FAM107A: variants seen among roughly 807,000 people sequenced by gnomAD.
The protein encoded by FAM107A is actin-associated protein FAM107A.
Under a neutral mutation model 13.7 loss-of-function variants are expected in FAM107A, and 19 were observed. The ratio of observed to expected loss-of-function variants is 1.38; its 90% confidence interval spans 0.97 to 2.03. The LOEUF is 2.03. Among genes scored for constraint, FAM107A ranks in the 30% most tolerant of loss-of-function variants. The probability of loss-of-function intolerance (pLI) is 0.00; values close to 1 mark genes in which losing one functional copy is unlikely to be tolerated. For missense variants in FAM107A, 203 were observed against 184.4 expected (o/e 1.10, Z -0.58); for synonymous variants, 82 against 74.5 (o/e 1.10, Z -0.52).
chr3:58,598,026 T>C (rs779988996), intron 1 of FAM107A, among the ~76,000 whole-genome samples: 1 of 152,170 alleles, frequency 6.6e-6, no homozygotes, highest in Non-Finnish European at 1.5e-5. Flanking sequence ...TGGCTTATTC[T>C]TAAAGGTTGA....
At chr3:58,579,809 G>A (rs910148946), upstream of FAM107A, among the ~76,000 whole-genome samples, 1 of 152,166 alleles carries the variant, frequency 6.6e-6, no homozygotes, top group Non-Finnish European at 1.5e-5. Context: ...GTAGTCCTCG[G>A]ATGTTGGGCG....
At chr3:58,568,862 C>T (rs2063651547) in intron 2 of FAM107A, among the ~76,000 whole-genome samples, 1 of 152,206 alleles carries the variant, frequency 6.6e-6, no homozygotes, top group Non-Finnish European at 1.5e-5. Context: ...CTCCAATTCA[C>T]ATCCCATCAA....
At chr3:58,578,451 C>G (rs1485266944), upstream of FAM107A, among the ~76,000 whole-genome samples, 2 of 151,464 alleles carry the variant, frequency 1.3e-5, no homozygotes, top group African/African-American at 2.4e-5. Flanking sequence ...ACCTGTAATC[C>G]CAGCTACCTG....
At chr3:58,609,533 A>C (rs762833435) in intron 1 of FAM107A, among the ~76,000 whole-genome samples, 69 of 152,232 alleles carry the variant, frequency 4.5e-4, no homozygotes, top group Non-Finnish European at 4.8e-4. Context: ...CTATGCTCTA[A>C]AAATGGAACC....
chr3:58,611,183 T>C (rs1237328704), intron 1 of FAM107A, among the ~76,000 whole-genome samples: 5 of 152,236 alleles, frequency 3.3e-5, no homozygotes, highest in Non-Finnish European at 5.9e-5. Flanking sequence ...CAATTAAACC[T>C]CTTTTCTTTA....
At chr3:58,593,691 C>T (rs2065674056) in intron 1 of FAM107A, among the ~76,000 whole-genome samples, 1 of 152,042 alleles carries the variant, frequency 6.6e-6, no homozygotes, top group South Asian at 2.1e-4. Context: ...ACTCCCTCCT[C>T]ACCATTTCTA....
rs1032210832 is a variant in FAM107A at position 58,598,368 on chromosome 3, A to G, written c.-69-9099T>C. On this transcript the variant is annotated intron_variant, in intron 1 of 3. Transcript: ENST00000465970. ...TGCAGTAATGAGGGCACTGTTTTCT[A>G]TCAAAGGAGGCCTCTACAGTTCTGG... 4.6e-5 allele frequency among the ~76,000 whole-genome samples: 7 copies of G among 152,240 alleles called. No individual in the cohort carries two copies. The East Asian group carries it at 1.4e-3, about 29-fold the overall frequency.
chr3:58,599,696 A>ATCTTTTTTT (rs2065736389), intron 1 of FAM107A, among the ~76,000 whole-genome samples: 1 of 78,570 alleles, frequency 1.3e-5, no homozygotes, highest in Non-Finnish European at 2.7e-5. Flanking sequence ...CAAGTGCACC[A>ATCTTTTTTT]TTTTTTTTTT....
chr3:58,620,914 G>T (rs997809858), intron 1 of FAM107A, among the ~76,000 whole-genome samples: 1 of 152,142 alleles, frequency 6.6e-6, no homozygotes, highest in African/African-American at 2.4e-5. Flanking sequence ...GTCTTCAAAT[G>T]CCCTTTTTGG....
chr3:58,593,768 G>A (rs543576617), intron 1 of FAM107A, among the ~76,000 whole-genome samples: 9 of 152,054 alleles, frequency 5.9e-5, no homozygotes, highest in African/African-American at 1.2e-4. Flanking sequence ...ACAGCCGTCC[G>A]CGCCCTACAG....
rs945209997 is a variant in FAM107A, at chr3:58,598,893, T to A, written c.-69-9624A>T. ...GTGTGATGCCCCATGGTTTTTTTTT[T>A]AAACCATTACGCTTTAGTTGGACAT... is the stretch of plus-strand genomic sequence containing the variant. On this transcript the variant is annotated intron_variant, in intron 1 of 3. Transcript: ENST00000465970. Among the ~76,000 whole-genome samples the A allele has an allele frequency of 7.0e-4, 106 of 152,164 alleles. 2 individuals are homozygous for A. The highest frequency in any genetic ancestry group is 2.1e-4 in the Non-Finnish European group (14 of 68,018).
chr3:58,625,832 C>G (rs988864676), intron 1 of FAM107A, among the ~76,000 whole-genome samples: 9 of 152,340 alleles, frequency 5.9e-5, no homozygotes, highest in Non-Finnish European at 1.2e-4. Context: ...CTCTTTCCCC[C>G]ACTAGCTGCA....
intron 1 of FAM107A, among the ~76,000 whole-genome samples, chr3:58,600,775 CA>C (rs1410283998): frequency 7.2e-5 from 11 of 152,214 alleles, no homozygotes; most frequent in Admixed American, 2.0e-4. Context: ...GGAGACAGAT[CA>C]GGGGGAGAAA....
rs2063633551 is a variant in FAM107A at position 58,567,374 on chromosome 3, G to A, written c.171-10C>T. The stretch of plus-strand genomic sequence containing the variant: ...GTCCACACCAAGGCCCCTGGGGTGG[G>A]AAGTGGGGAGCTGTCAGGAGACCAT... On this transcript the variant is annotated splice_polypyrimidine_tract_variant and intron_variant, in intron 2 of 3. Transcript: ENST00000360997. 4 of 1,606,554 alleles carry A rather than the reference G, an allele frequency of 2.5e-6. No homozygotes were observed. The highest frequency in any genetic ancestry group is 1.1e-5 in the South Asian group (1 of 90,076).
At chr3:58,619,023 C>T (rs531347834) in intron 1 of FAM107A, among the ~76,000 whole-genome samples, 32 of 152,152 alleles carry the variant, frequency 2.1e-4, no homozygotes, top group African/African-American at 6.3e-4. Flanking sequence ...TTCCTTGAGA[C>T]AAGATCTTAT....
At chr3:58,612,317 C>G (rs2065862165) in intron 1 of FAM107A, among the ~76,000 whole-genome samples, 1 of 152,152 alleles carries the variant, frequency 6.6e-6, no homozygotes, top group South Asian at 2.1e-4. Context: ...CAGTGGCTCA[C>G]ACTTCTAATC....
chr3:58,599,050 T>C (rs1473637077), intron 1 of FAM107A, among the ~76,000 whole-genome samples: 2 of 152,284 alleles, frequency 1.3e-5, no homozygotes, highest in Admixed American at 1.3e-4. Flanking sequence ...CAAGCAATTC[T>C]CCTGCCTCAG....
chr3:58,598,801 G>A (rs1208977687), intron 1 of FAM107A, among the ~76,000 whole-genome samples: 1 of 151,982 alleles, frequency 6.6e-6, no homozygotes, highest in Non-Finnish European at 1.5e-5. Flanking sequence ...GTATGTCTTG[G>A]AGATATTTCT....
upstream of FAM107A, chr3:58,589,123 T>C: frequency 2.3e-6 from 2 of 873,804 alleles, no homozygotes; most frequent in Non-Finnish European, 3.6e-6. Flanking sequence ...TCAGGGAAAT[T>C]GTGGCCATGG....
Sources: allele counts gnomAD v4.1 joint callset (sites outside exome capture counted in the v4.1 genomes callset), GRCh38; gene constraint gnomAD v4.1.1; transcripts MANE v1.5; gene names NCBI Gene and HGNC (gene_info 2026-07-23, HGNC 2026-07-21).